PAK5: variants seen among roughly 807,000 people sequenced by gnomAD.
PAK5 encodes the protein p21 (RAC1) activated kinase 5.
PAK5 carries 16 observed loss-of-function variants against 65.9 expected under a neutral mutation model. That is an observed-to-expected ratio of 0.24 (90% CI 0.16 to 0.37). PAK5 has a LOEUF of 0.37. PAK5 is among the 10% of genes least tolerant of loss of function. The pLI is 1.00. For missense variants in PAK5, 785 were observed against 903.9 expected, an observed-to-expected ratio of 0.87 and a Z score of 1.69; for synonymous variants, 371 against 354.9, an observed-to-expected ratio of 1.05 and a Z score of -0.51.
At chr20:9,663,872 T>A (rs187718501) in intron 2 of PAK5, among the ~76,000 whole-genome samples, 267 of 152,332 alleles carry the variant, frequency 1.8e-3, no homozygotes, top group Middle Eastern at 0.01. Context: ...GCCTCCCATT[T>A]AAGAATCACA....
chr20:9,823,654 T>C (rs1030566021), intron 1 of PAK5, among the ~76,000 whole-genome samples: 4 of 152,196 alleles, frequency 2.6e-5, no homozygotes, highest in Admixed American at 6.5e-5. Flanking sequence ...TAAACCTCTT[T>C]CCTTTATAAA....
At chr20:9,803,508 T>C (rs1477360410) in intron 1 of PAK5, among the ~76,000 whole-genome samples, 9 of 152,188 alleles carry the variant, frequency 5.9e-5, no homozygotes, top group Admixed American at 5.2e-4. Context: ...AATGACTTGC[T>C]GAAAGCAAAC....
At chr20:9,832,275 T>A (rs946494306) in intron 1 of PAK5, among the ~76,000 whole-genome samples, 2 of 151,944 alleles carry the variant, frequency 1.3e-5, no homozygotes, top group Non-Finnish European at 2.9e-5. Flanking sequence ...TTTTGACAAC[T>A]TTCTTTTTTT....
chr20:9,669,361 TAAAG>T (rs2123361228), intron 2 of PAK5, among the ~76,000 whole-genome samples: 1 of 152,312 alleles, frequency 6.6e-6, no homozygotes, highest in Admixed American at 6.5e-5. Flanking sequence ...AGAAATATCT[TAAAG>T]AAACTGAATT....
chr20:9,583,757 T>A (rs1046019976), intron 3 of PAK5, among the ~76,000 whole-genome samples: 1 of 152,204 alleles, frequency 6.6e-6, no homozygotes, highest in African/African-American at 2.4e-5. Context: ...TGCAAAAATA[T>A]CTCCTGAGTT....
At chr20:9,658,933 A>G (rs1283935230) in intron 2 of PAK5, among the ~76,000 whole-genome samples, 1 of 152,180 alleles carries the variant, frequency 6.6e-6, no homozygotes, top group African/African-American at 2.4e-5. Flanking sequence ...TTCACCACTC[A>G]AGATATCACA....
intron 3 of PAK5, among the ~76,000 whole-genome samples, chr20:9,636,789 AG>A (rs1326185205): frequency 6.6e-6 from 1 of 152,240 alleles, no homozygotes. Context: ...AAAAGACAAA[AG>A]TCTCTATTTT....
At chr20:9,600,750 C>A (rs537431570) in intron 3 of PAK5, among the ~76,000 whole-genome samples, 152 of 152,246 alleles carry the variant, frequency 1.0e-3, no homozygotes, top group Non-Finnish European at 1.6e-3. Flanking sequence ...CATTTCCCTG[C>A]AGAGTCTTCC....
intron 1 of PAK5, among the ~76,000 whole-genome samples, chr20:9,811,504 G>T (rs966572179): frequency 2.0e-5 from 3 of 152,154 alleles, no homozygotes; most frequent in Non-Finnish European, 2.9e-5. Flanking sequence ...GAACAGAAGG[G>T]AGAAGTGGCA....
chr20:9,652,395 G>T (rs973367877), intron 2 of PAK5, among the ~76,000 whole-genome samples: 8 of 152,022 alleles, frequency 5.3e-5, no homozygotes, highest in African/African-American at 1.9e-4. Flanking sequence ...AAAAATCTTG[G>T]GATGGGTTCA....
intron 2 of PAK5, among the ~76,000 whole-genome samples, chr20:9,709,277 C>T (rs1041101579): frequency 6.6e-6 from 1 of 152,158 alleles, no homozygotes; most frequent in African/African-American, 2.4e-5. Context: ...AAAGGGTTAA[C>T]TTGTGCACTG....
intron 3 of PAK5, among the ~76,000 whole-genome samples, chr20:9,592,897 A>C (rs1379547141): frequency 6.6e-6 from 1 of 152,154 alleles, no homozygotes; most frequent in Non-Finnish European, 1.5e-5. Context: ...GCTGGTTCAG[A>C]GGGGAAGAAA....
At chr20:9,564,136 C>T (rs1377942091) in intron 5 of PAK5, among the ~76,000 whole-genome samples, 2 of 152,168 alleles carry the variant, frequency 1.3e-5, no homozygotes, top group Non-Finnish European at 2.9e-5. Flanking sequence ...GGACTTAGAT[C>T]TCTCATCCAC....
At chr20:9,775,891 G>A (rs1264891743) in intron 1 of PAK5, among the ~76,000 whole-genome samples, 2 of 152,060 alleles carry the variant, frequency 1.3e-5, no homozygotes, top group African/African-American at 2.4e-5. Flanking sequence ...ATGCACTAAT[G>A]AAAAAATTCT....
In PAK5 at chr20:9,684,940, A is replaced by C. The variant is rs143285486; in HGVS notation, c.-12+26346T>G. Among the ~76,000 whole-genome samples the C allele has an allele frequency of 2.7e-4, 41 of 152,284 alleles. No individual in the cohort carries two copies. In the East Asian group the frequency reaches 7.5e-3, roughly 28 times the overall value. On this transcript the variant is annotated intron_variant, in intron 2 of 9. Transcript: ENST00000353224. ...AGGCTGCTGTATAGAGGATCTAACC[A>C]GATTTTCTCCTTTCCTTCTCCTAGG...
intron 1 of PAK5, among the ~76,000 whole-genome samples, chr20:9,773,404 A>G (rs1477344235): frequency 6.6e-6 from 1 of 151,686 alleles, no homozygotes; most frequent in Admixed American, 6.6e-5. Flanking sequence ...CGACCCCACG[A>G]CAGGCCCTGG....
At chr20:9,793,732 G>A (rs914413508) in intron 1 of PAK5, among the ~76,000 whole-genome samples, 1 of 152,114 alleles carries the variant, frequency 6.6e-6, no homozygotes, top group Non-Finnish European at 1.5e-5. Context: ...CTGTTGATGA[G>A]TGTAAATTAG....
At chr20:9,711,933 A>G (rs994587597) in intron 1 of PAK5, among the ~76,000 whole-genome samples, 1 of 152,150 alleles carries the variant, frequency 6.6e-6, no homozygotes, top group African/African-American at 2.4e-5. Flanking sequence ...TGGCTCCAAT[A>G]TTTTTGTCAA....
chr20:9,605,260 G>A (rs1179493058), intron 3 of PAK5, among the ~76,000 whole-genome samples: 1 of 152,176 alleles, frequency 6.6e-6, no homozygotes, highest in East Asian at 1.9e-4. Context: ...TTCTGGGCAG[G>A]ATTGTCATGT....
Sources: gnomAD v4.1 joint callset for allele counts (sites outside exome capture counted in the v4.1 genomes callset) on GRCh38, gnomAD v4.1.1 for gene constraint, MANE v1.5 for transcripts, NCBI Gene and HGNC (gene_info 2026-07-23, HGNC 2026-07-21) for gene names.